The following DIAPH2 variants were observed in gnomAD, a reference collection of about 807,000 sequenced individuals.
DIAPH2 encodes diaphanous related formin 2, also known as protein diaphanous homolog 2.
A neutral mutation model predicts 92.7 loss-of-function variants in DIAPH2; 35 were observed. That is an observed-to-expected ratio of 0.38 (90% CI 0.29 to 0.50). The LOEUF is 0.50. Ranked by LOEUF, DIAPH2 falls within the 20% of genes least tolerant of loss-of-function variation. The probability of loss-of-function intolerance (pLI) is 0.94; values close to 1 mark genes in which losing one functional copy is unlikely to be tolerated. For synonymous variants in DIAPH2, 301 were observed against 280.4 expected (o/e 1.07, Z -0.73); for missense variants, 701 against 819.5 (o/e 0.86, Z 1.77).
intron 23 of DIAPH2, among the ~76,000 whole-genome samples, chrX:97,347,018 G>A (rs140449316): frequency 1.8e-3 from 200 of 108,221 alleles, no homozygotes; most frequent in African/African-American, 6.5e-3. Context: ...CTTTCCTCAT[G>A]TGGGTTATGC....
chrX:97,287,723 T>TA (rs746109496), intron 23 of DIAPH2, among the ~76,000 whole-genome samples: 3,000 of 86,180 alleles, frequency 0.035, 84 homozygotes, highest in African/African-American at 0.088. Flanking sequence ...GTCAATTATT[T>TA]AAAAAAAAAA....
At chrX:96,702,908 C>G (rs1308464177) in intron 1 of DIAPH2, among the ~76,000 whole-genome samples, 2 of 111,402 alleles carry the variant, frequency 1.8e-5, no homozygotes, top group African/African-American at 6.5e-5. Flanking sequence ...CATGAAGGTT[C>G]TACCTTCATG....
chrX:96,787,238 A>G lies in DIAPH2; in HGVS notation c.447+28980A>G, dbSNP rs752282161. Among the ~76,000 whole-genome samples the G allele has an allele frequency of 1.9e-4, 21 of 111,996 alleles. No individual in the cohort carries two copies. In the South Asian group the frequency reaches 4.5e-3, roughly 24 times the overall value. ...GATGTCATGCTGGTGAATTCAACTT[A>G]CAAGGCATGGAATAGAACTCTTGCA... On this transcript the variant is annotated intron_variant, in intron 4 of 26. Coordinates refer to ENST00000324765, the MANE Select transcript of DIAPH2 (RefSeq NM_006729.5).
intron 4 of DIAPH2, among the ~76,000 whole-genome samples, chrX:96,808,985 G>A (rs1429701116): frequency 9.0e-6 from 1 of 111,694 alleles, no homozygotes; most frequent in Non-Finnish European, 1.9e-5. Flanking sequence ...TGGTAAAGAT[G>A]TTATTAATTG....
At chrX:96,822,648 CT>C (rs1258992585) in intron 4 of DIAPH2, among the ~76,000 whole-genome samples, 2 of 111,552 alleles carry the variant, frequency 1.8e-5, no homozygotes, top group Non-Finnish European at 3.8e-5. Flanking sequence ...CATACACAAA[CT>C]AGGCCTGAAT....
chrX:96,776,144 A>T (rs2064375769), intron 4 of DIAPH2, among the ~76,000 whole-genome samples: 1 of 111,909 alleles, frequency 8.9e-6, no homozygotes, highest in Admixed American at 9.5e-5. Flanking sequence ...CTAATCTTCC[A>T]TCTAAATATG....
At chrX:97,179,253 T>A (rs1273697840) in intron 22 of DIAPH2, among the ~76,000 whole-genome samples, 3 of 106,043 alleles carry the variant, frequency 2.8e-5, no homozygotes, top group Admixed American at 1.0e-4. Context: ...TTTTTTTTTT[T>A]AATTACTTTA....
chrX:97,146,818 G>A (rs2067251068), intron 22 of DIAPH2, among the ~76,000 whole-genome samples: 1 of 111,627 alleles, frequency 9.0e-6, no homozygotes, highest in African/African-American at 3.3e-5. Context: ...TTATGGAGTA[G>A]AATTCAAAAT....
chrX:97,371,984 G>A (rs1446526803), intron 24 of DIAPH2, among the ~76,000 whole-genome samples: 4 of 112,608 alleles, frequency 3.6e-5, no homozygotes, highest in Admixed American at 2.8e-4. Flanking sequence ...GGCATGTTGA[G>A]CTCAGTTGTT....
At chrX:97,520,051 C>T in intron 26 of DIAPH2, among the ~76,000 whole-genome samples, 1 of 111,968 alleles carries the variant, frequency 8.9e-6, no homozygotes, top group Middle Eastern at 4.6e-3. Flanking sequence ...TCATTCCCTA[C>T]CCCCCTGCTT....
chrX:96,852,682 T>G (rs1247070560), intron 4 of DIAPH2, among the ~76,000 whole-genome samples: 2 of 111,421 alleles, frequency 1.8e-5, no homozygotes, highest in Non-Finnish European at 3.8e-5. Context: ...CTTAGAGCTC[T>G]GACAGCCTAC....
At chrX:97,100,488 G>T (rs369088957) in intron 20 of DIAPH2, among the ~76,000 whole-genome samples, 19 of 111,339 alleles carry the variant, frequency 1.7e-4, no homozygotes, top group East Asian at 5.6e-4. Context: ...TATTCAAATA[G>T]TTGACAAAAA....
chrX:96,706,861 G>A (rs1315104272), intron 1 of DIAPH2, among the ~76,000 whole-genome samples: 1 of 111,825 alleles, frequency 8.9e-6, no homozygotes, highest in East Asian at 2.8e-4. Flanking sequence ...TGAATGTAGA[G>A]ATCTACAAAA....
chrX:97,463,564 T>C (rs764231103), intron 26 of DIAPH2, among the ~76,000 whole-genome samples: 2 of 109,787 alleles, frequency 1.8e-5, no homozygotes, highest in East Asian at 5.8e-4. Context: ...CTAATTTTTG[T>C]ATTTTTAGTA....
At chrX:97,482,853 T>C (rs1382407319) in intron 26 of DIAPH2, among the ~76,000 whole-genome samples, 3 of 111,633 alleles carry the variant, frequency 2.7e-5, no homozygotes, top group Non-Finnish European at 5.6e-5. Context: ...AAGGTGGGAA[T>C]GAAATAATGC....
At chrX:97,428,372 T>C (rs2070091852) in intron 25 of DIAPH2, among the ~76,000 whole-genome samples, 1 of 109,807 alleles carries the variant, frequency 9.1e-6, no homozygotes, top group African/African-American at 3.3e-5. Flanking sequence ...CTACTAAAAA[T>C]ACAAAAACTA....
chrX:97,107,349 C>G (rs2147370975), intron 20 of DIAPH2, among the ~76,000 whole-genome samples: 1 of 111,076 alleles, frequency 9.0e-6, no homozygotes, highest in South Asian at 3.8e-4. Context: ...AAGTATGGCC[C>G]TTTTCTCTCA....
intron 26 of DIAPH2, among the ~76,000 whole-genome samples, chrX:97,585,784 T>A (rs182741000): frequency 6.3e-4 from 70 of 111,608 alleles, no homozygotes; most frequent in African/African-American, 2.1e-3. Flanking sequence ...CTCCCCTTAT[T>A]TCGAACTGAA....
At chrX:97,331,365 AAAAC>A (rs2069000175) in intron 23 of DIAPH2, among the ~76,000 whole-genome samples, 1 of 112,223 alleles carries the variant, frequency 8.9e-6, no homozygotes, top group African/African-American at 3.2e-5. Context: ...TACTAGGAAA[AAAAC>A]ACAAAATCCA....
Sources: allele counts gnomAD v4.1 joint callset (sites outside exome capture counted in the v4.1 genomes callset), GRCh38; gene constraint gnomAD v4.1.1; transcripts MANE v1.5; gene names NCBI Gene and HGNC (gene_info 2026-07-23, HGNC 2026-07-21).